The following PHF19 variants were observed in gnomAD, a reference collection of about 807,000 sequenced individuals.
The protein encoded by PHF19 is PHD finger protein 19, also known as polycomb like 3.
A neutral mutation model predicts 79.8 loss-of-function variants in PHF19; 21 were observed. That is an observed-to-expected ratio of 0.26 (90% CI 0.19 to 0.38). The LOEUF (loss-of-function observed/expected upper bound fraction) is 0.38, where lower values mean the gene tolerates loss of function less well. Ranked by LOEUF, PHF19 falls within the 10% of genes least tolerant of loss-of-function variation. The probability of loss-of-function intolerance (pLI) is 1.00; values close to 1 mark genes in which losing one functional copy is unlikely to be tolerated. For synonymous variants in PHF19, 273 were observed against 296.3 expected (o/e 0.92, Z 0.81); for missense variants, 445 against 744.2 (o/e 0.60, Z 4.68).
chr9:120,866,835 C>G lies in PHF19; in HGVS notation c.710+35G>C. On this transcript the variant is annotated intron_variant, in intron 7 of 14. Transcript: ENST00000373896. This position sits in a 1 kb window ranked among gnomAD's most constrained non-coding sequence, Gnocchi z 5.2. Reference sequence around the variant, plus strand: ...TGCCATCCCTGCCCTCTCCCCACCACGCCCAAGGCCCACTTGGACCAAATT... The same window carrying G: ...TGCCATCCCTGCCCTCTCCCCACCAGGCCCAAGGCCCACTTGGACCAAATT... 1 of 1,197,020 alleles carries G rather than the reference C, an allele frequency of 8.4e-7. No individual in the cohort carries two copies. The highest frequency in any genetic ancestry group is 1.3e-6 in the Non-Finnish European group (1 of 799,822). The allele number at this position is 1,197,020 out of a possible 1,614,324, so 74.1% of individuals were successfully genotyped here. A position where few individuals can be genotyped will look rare whatever the true frequency, so the allele number is the denominator to read the frequency against.
upstream of PHF19, among the ~76,000 whole-genome samples, chr9:120,879,764 G>C (rs1430832874): frequency 6.6e-6 from 1 of 152,224 alleles, no homozygotes; most frequent in Non-Finnish European, 1.5e-5. Context: ...TGTGGAAATA[G>C]GGAGGTGGGT....
chr9:120,882,784 G>C (rs1448346775), intron 1 of PHF19, among the ~76,000 whole-genome samples: 3 of 148,562 alleles, frequency 2.0e-5, no homozygotes, highest in Non-Finnish European at 3.0e-5. Context: ...GTAGGTTGCA[G>C]TGAGCCGATA....
upstream of PHF19, chr9:120,877,455 C>T (rs139080396): frequency 1.8e-5 from 12 of 676,720 alleles, no homozygotes; most frequent in African/African-American, 2.2e-4. Context: ...CCGCCCGCCC[C>T]GCGGGCGCGC....
At chr9:120,877,356 C>T, upstream of PHF19, 2 of 981,204 alleles carry the variant, frequency 2.0e-6, no homozygotes, top group Non-Finnish European at 2.4e-6. Flanking sequence ...ATTGACGTCC[C>T]GCTTATGTAA....
At chr9:120,893,454 C>G (rs1588141658) in intron 1 of PHF19, among the ~76,000 whole-genome samples, 1 of 152,348 alleles carries the variant, frequency 6.6e-6, no homozygotes, top group South Asian at 2.1e-4. Flanking sequence ...TGCTTATGTG[C>G]TAAAGACCCT....
chr9:120,878,197 G>T (rs1386783337), upstream of PHF19, among the ~76,000 whole-genome samples: 6 of 152,176 alleles, frequency 3.9e-5, no homozygotes, highest in African/African-American at 1.4e-4. Flanking sequence ...TGGTACAATC[G>T]CAAATATATA....
In PHF19 at chr9:120,874,966, CT is replaced by C. The variant is rs1308237422; in HGVS notation, c.-15-211del. Among the ~76,000 whole-genome samples the C allele has an allele frequency of 6.6e-6, 1 of 152,160 alleles. No individual in the cohort carries two copies. Among genetic ancestry groups the C allele is most frequent in the Non-Finnish European group, 1.5e-5 (1 of 68,024 alleles). On this transcript the variant is annotated intron_variant, in intron 1 of 14. Coordinates refer to ENST00000373896, the MANE Select transcript of PHF19 (RefSeq NM_015651.3). This position sits in a 1 kb window ranked among gnomAD's most constrained non-coding sequence, Gnocchi z 4.5. ...AAACAGGTGTGGCAAGGAGAAGAGG[CT>C]GATGGGCCAAAGGCAGAGCCATGGC...
At chr9:120,881,972 G>A (rs2046192988), upstream of PHF19, among the ~76,000 whole-genome samples, 1 of 152,210 alleles carries the variant, frequency 6.6e-6, no homozygotes, top group South Asian at 2.1e-4. Context: ...ATGTTGGTCA[G>A]GCTGGTCTTG....
chr9:120,876,632 G>A (rs916601225), intron 1 of PHF19, among the ~76,000 whole-genome samples: 3 of 152,170 alleles, frequency 2.0e-5, no homozygotes, highest in African/African-American at 7.2e-5. Flanking sequence ...CATGCGCCGG[G>A]GCCTCTCCCA....
In PHF19 at chr9:120,855,720, A is replaced by C. The variant is rs2045349550; in HGVS notation, c.*2224T>G. ...ATTATAACTTTAACAAATGTTATTA[A>C]AAGCAGCAATTAAAAACCATGAATC... On this transcript the variant is annotated 3_prime_UTR_variant, in exon 15 of 15. Transcript: ENST00000373896. 1 of 152,708 alleles carries C rather than the reference A, an allele frequency of 6.5e-6. No individual in the cohort carries two copies. The allele number at this position is 152,708 out of a possible 1,614,324, so 9.5% of individuals were successfully genotyped here.
chr9:120,893,433 C>T (rs1380544977), intron 1 of PHF19, among the ~76,000 whole-genome samples: 1 of 152,168 alleles, frequency 6.6e-6, no homozygotes, highest in Non-Finnish European at 1.5e-5. Context: ...CCCATCACTC[C>T]CCTCTCAGCA....
At chr9:120,880,058 T>C (rs1007520558), upstream of PHF19, among the ~76,000 whole-genome samples, 1 of 152,244 alleles carries the variant, frequency 6.6e-6, no homozygotes, top group East Asian at 1.9e-4. Flanking sequence ...CCTATGGAGA[T>C]ATGAACTGGT....
chr9:120,870,594 C>T lies in PHF19; in HGVS notation c.269-56G>A, dbSNP rs2045867322. On this transcript the variant is annotated intron_variant, in intron 3 of 14. Coordinates refer to ENST00000373896, the MANE Select transcript of PHF19 (RefSeq NM_015651.3). The surrounding 1 kb of genome is among the most constrained non-coding windows in gnomAD (Gnocchi z 4.4). ...AGCTCACAGGAATGGAAGTTTTATACTCACATTCCAGATGCCCAGCCTCTA... is the reference window on the plus strand; with the variant it reads ...AGCTCACAGGAATGGAAGTTTTATATTCACATTCCAGATGCCCAGCCTCTA... The T allele has an allele frequency of 9.6e-7, 1 of 1,037,102 alleles. No individual in the cohort carries two copies. The allele number at this position is 1,037,102 out of a possible 1,614,324, so 64.2% of individuals were successfully genotyped here.
rs1469558087 is a variant in PHF19, at chr9:120,870,828, G to T, written c.269-290C>A. On this transcript the variant is annotated intron_variant, in intron 3 of 14. Transcript: ENST00000373896. This position sits in a 1 kb window ranked among gnomAD's most constrained non-coding sequence, Gnocchi z 4.4. ...ACCCTTTGTTCTTTTGACACATCAT[G>T]CTGCCTCTCCCGCCTTATTTAACTT... 2.0e-5 allele frequency among the ~76,000 whole-genome samples: 3 copies of T among 152,198 alleles called. No homozygotes were observed. Among genetic ancestry groups the T allele is most frequent in the Non-Finnish European group, 4.4e-5 (3 of 68,038 alleles).
rs1256507204 is a variant in PHF19 at position 120,869,747 on chromosome 9, C to T, written c.465+98G>A. ...ATCTGTCTCCAAAGCCCAGGTGTGG[C>T]CCTTCTGCTTGGAGCTCAGACTCTG... On this transcript the variant is annotated intron_variant, in intron 5 of 14. Coordinates refer to ENST00000373896, the MANE Select transcript of PHF19 (RefSeq NM_015651.3). The surrounding 1 kb of genome is among the most constrained non-coding windows in gnomAD (Gnocchi z 5.8). 3 of 1,583,450 alleles carry T rather than the reference C, an allele frequency of 1.9e-6. No individual in the cohort carries two copies. The highest frequency in any genetic ancestry group is 1.7e-6 in the Non-Finnish European group (2 of 1,164,588).
At chr9:120,877,765 A>C (rs531978619), upstream of PHF19, among the ~76,000 whole-genome samples, 1 of 152,326 alleles carries the variant, frequency 6.6e-6, no homozygotes, top group East Asian at 1.9e-4. Flanking sequence ...TACACAACAC[A>C]CAGTGCACAA....
chr9:120,898,069 A>G (rs143083433), upstream of PHF19, among the ~76,000 whole-genome samples: 5 of 152,100 alleles, frequency 3.3e-5, no homozygotes, highest in Middle Eastern at 3.4e-3. Context: ...GAGCATCTCA[A>G]TTTGGATCAG....
chr9:120,889,849 CAAGA>C (rs758118938), intron 1 of PHF19, among the ~76,000 whole-genome samples: 16 of 152,004 alleles, frequency 1.1e-4, no homozygotes, highest in Middle Eastern at 3.4e-3. Context: ...AAAGAACTAA[CAAGA>C]AAGAAAGAGA....
chr9:120,868,006 C>T (rs952390031), intron 6 of PHF19, among the ~76,000 whole-genome samples: 1 of 152,174 alleles, frequency 6.6e-6, no homozygotes, highest in Non-Finnish European at 1.5e-5. Flanking sequence ...ACAGTGGCCC[C>T]GACATAGCAT....
Sources: allele counts gnomAD v4.1 joint callset (sites outside exome capture counted in the v4.1 genomes callset), GRCh38; gene constraint gnomAD v4.1.1; non-coding constraint Gnocchi (gnomAD v3.1); transcripts MANE v1.5; gene names NCBI Gene and HGNC (gene_info 2026-07-23, HGNC 2026-07-21).